The following ACADM variants were observed in gnomAD, a reference collection of about 807,000 sequenced individuals.
The protein encoded by ACADM is medium-chain specific acyl-CoA dehydrogenase, mitochondrial.
Under a neutral mutation model 58.9 loss-of-function variants are expected in ACADM, and 49 were observed. The ratio of observed to expected loss-of-function variants is 0.83; its 90% CI spans 0.66 to 1.06. The LOEUF (loss-of-function observed/expected upper bound fraction) is 1.06, where lower values mean the gene tolerates loss of function less well. Ranked by LOEUF, ACADM falls within the 50% of genes least tolerant of loss-of-function variation. ACADM has a pLI of 0.00. For missense variants in ACADM, 496 were observed against 507.0 expected (o/e 0.98, Z 0.21); for synonymous variants, 160 against 157.7 (o/e 1.01, Z -0.11).
chr1:75,735,391 T>C (rs905471523), intron 6 of ACADM, among the ~76,000 whole-genome samples: 2 of 150,684 alleles, frequency 1.3e-5, no homozygotes, highest in Admixed American at 6.6e-5. Flanking sequence ...GATCTACTTG[T>C]GATGTTTTTG....
intron 1 of ACADM, among the ~76,000 whole-genome samples, chr1:75,726,060 A>G (rs1277862942): frequency 6.6e-6 from 1 of 152,176 alleles, no homozygotes; most frequent in African/African-American, 2.4e-5. Context: ...ACTTTGTTCT[A>G]TGTAACATAT....
chr1:75,728,853 G>C (rs1460789309), intron 2 of ACADM, among the ~76,000 whole-genome samples: 1 of 152,270 alleles, frequency 6.6e-6, no homozygotes, highest in South Asian at 2.1e-4. Context: ...AATTCTAGGT[G>C]CCTGGTAATA....
intron 10 of ACADM, among the ~76,000 whole-genome samples, chr1:75,759,656 C>CTTTTTTTT (rs34394777): frequency 1.0e-4 from 9 of 87,570 alleles, no homozygotes; most frequent in East Asian, 4.2e-4. Context: ...TAGCAACTTT[C>CTTTTTTTT]TTTTTTTTTT....
At chr1:75,739,074 A>G (rs953948511) in intron 6 of ACADM, among the ~76,000 whole-genome samples, 1 of 152,202 alleles carries the variant, frequency 6.6e-6, no homozygotes, top group Admixed American at 6.6e-5. Flanking sequence ...TTTCAGCATT[A>G]GAAACACTGG....
intron 7 of ACADM, among the ~76,000 whole-genome samples, chr1:75,742,307 A>T (rs1647619955): frequency 6.6e-6 from 1 of 152,180 alleles, no homozygotes; most frequent in Non-Finnish European, 1.5e-5. Flanking sequence ...GATTGTGCCC[A>T]GATCCACCGG....
intron 10 of ACADM, 110 bp from the exon 11 acceptor site, chr1:75,761,012 G>A: frequency 8.9e-7 from 1 of 1,123,720 alleles, no homozygotes; most frequent in South Asian, 1.4e-5. Flanking sequence ...TTGCAGACCA[G>A]CCTGGGCAAC....
chr1:75,745,609 A>G (rs990221642), intron 7 of ACADM, 197 bp from the exon 8 acceptor site: 36 of 596,954 alleles, frequency 6.0e-5, no homozygotes, highest in East Asian at 3.2e-4. Context: ...TGTGTTATTA[A>G]GACATAGACC....
At chr1:75,744,395 C>T (rs929418158) in intron 7 of ACADM, 38 of 1,517,810 alleles carry the variant, frequency 2.5e-5, no homozygotes, top group Admixed American at 1.8e-4. Flanking sequence ...CCATCAGGTA[C>T]GAAAAGAGCT....
At chr1:75,733,455 T>G in intron 4 of ACADM, 73 bp from the exon 5 acceptor site, 6 of 1,417,786 alleles carry the variant, frequency 4.2e-6, no homozygotes, top group Non-Finnish European at 6.0e-6. Context: ...TGAAAGCAAT[T>G]AAAATAGTTT....
At chr1:75,758,640 A>G (rs1233746730) in intron 10 of ACADM, among the ~76,000 whole-genome samples, 1 of 152,144 alleles carries the variant, frequency 6.6e-6, no homozygotes, top group Non-Finnish European at 1.5e-5. Flanking sequence ...GTCTAGCTAA[A>G]GGATTGTAAA....
chr1:75,729,295 C>CTTTTTTTTTTTTTTTTTTTTTTT (rs35372302), intron 2 of ACADM, among the ~76,000 whole-genome samples: 3 of 85,330 alleles, frequency 3.5e-5, no homozygotes, highest in African/African-American at 5.1e-5. Context: ...TTTCTTTTTT[C>CTTTTTTTTTTTTTTTTTTTTTTT]TTTTTTTTTT....
chr1:75,746,311 A>C (rs554979545), intron 8 of ACADM, among the ~76,000 whole-genome samples: 1 of 152,336 alleles, frequency 6.6e-6, no homozygotes, highest in East Asian at 1.9e-4. Context: ...AGATAAAAAC[A>C]ATGTGACATA....
At chr1:75,745,677 T>G in intron 7 of ACADM, 129 bp from the exon 8 acceptor site, 1 of 802,158 alleles carries the variant, frequency 1.2e-6, no homozygotes. Flanking sequence ...TTAAACCTGA[T>G]TATTTATTTC....
In ACADM at chr1:75,749,475, G is replaced by C; in HGVS notation, c.765G>C (p.Val255=). The change falls in exon 9 of 12, where the codon GTG becomes GTC. Residue 255 remains valine (V), a synonymous_variant. Coordinates refer to ENST00000370841, the MANE Select transcript of ACADM (RefSeq NM_000016.6). ...CTAGAGGAATTGTCTTCGAAGATGT[G>C]AAAGTGCCTAAAGAAAATGTTTTAA... ...SDTRGIVFED[V]KVPKENVLIG... 1 of 1,614,092 alleles carries C rather than the reference G, an allele frequency of 6.2e-7. No homozygotes were observed. Among genetic ancestry groups the C allele is most frequent in the Non-Finnish European group, 8.5e-7 (1 of 1,179,984 alleles).
intron 7 of ACADM, among the ~76,000 whole-genome samples, chr1:75,740,357 C>A (rs1391903606): frequency 3.3e-5 from 5 of 152,146 alleles, no homozygotes; most frequent in African/African-American, 4.8e-5. Flanking sequence ...CTGTTTGAAT[C>A]TGATTAGGAA....
chr1:75,758,572 A>G (rs1333592850), intron 10 of ACADM, among the ~76,000 whole-genome samples: 1 of 152,204 alleles, frequency 6.6e-6, no homozygotes, highest in Non-Finnish European at 1.5e-5. Flanking sequence ...CTGTCTAGCT[A>G]GATGATTGTA....
chr1:75,749,318 C>A, intron 8 of ACADM, 101 bp from the exon 9 acceptor site: 4 of 1,226,922 alleles, frequency 3.3e-6, no homozygotes, highest in Non-Finnish European at 4.7e-6. Context: ...TTTGTTGATC[C>A]CTGTTTTAGG....
At chr1:75,724,954 C>T in intron 1 of ACADM, 137 bp downstream of exon 1, 1 of 794,874 alleles carries the variant, frequency 1.3e-6, no homozygotes, top group Non-Finnish European at 1.8e-6. Flanking sequence ...CTAGGGGCCC[C>T]CAACCTGCTT....
rs1357092030 is a variant in ACADM, at chr1:75,732,952, A to G, written c.286+30A>G. ...GCTTTCTTTATATTTTTAATACTGGAATGCATATGAGTAAGAAAAATTGTG... is the reference window on the plus strand; with the variant it reads ...GCTTTCTTTATATTTTTAATACTGGGATGCATATGAGTAAGAAAAATTGTG... On this transcript the variant is annotated intron_variant, in intron 4 of 11. Coordinates refer to ENST00000370841, the MANE Select transcript of ACADM (RefSeq NM_000016.6). 3 of 1,612,682 alleles carry G rather than the reference A, an allele frequency of 1.9e-6. No homozygotes were observed. In the South Asian group the frequency reaches 3.3e-5, roughly 18 times the overall value.
Sources: allele counts gnomAD v4.1 joint callset (sites outside exome capture counted in the v4.1 genomes callset), GRCh38; gene constraint gnomAD v4.1.1; transcripts MANE v1.5; gene names NCBI Gene and HGNC (gene_info 2026-07-23, HGNC 2026-07-21).